TMCC1: variants seen among roughly 807,000 people sequenced by gnomAD.
TMCC1 encodes the protein transmembrane and coiled-coil domain family 1.
A neutral mutation model predicts 52.4 loss-of-function variants in TMCC1; 15 were observed. That is an observed-to-expected ratio of 0.29 (90% CI 0.19 to 0.44). TMCC1 has a LOEUF of 0.44. TMCC1 is among the 20% of genes least tolerant of loss of function. The pLI is 1.00. For missense variants in TMCC1, 503 were observed against 806.0 expected (o/e 0.62, Z 4.55); for synonymous variants, 279 against 301.9 (o/e 0.92, Z 0.79).
intron 3 of TMCC1, among the ~76,000 whole-genome samples, chr3:129,829,272 A>G (rs1041820065): frequency 6.6e-6 from 1 of 152,192 alleles, no homozygotes; most frequent in Non-Finnish European, 1.5e-5. Context: ...CATCCCTGAC[A>G]GAAGCTTCCC....
At chr3:129,786,928 G>A (rs1214958047) in intron 4 of TMCC1, among the ~76,000 whole-genome samples, 1 of 152,026 alleles carries the variant, frequency 6.6e-6, no homozygotes, top group Non-Finnish European at 1.5e-5. Context: ...TTCTCAAATC[G>A]GAATTATCCA....
intron 2 of TMCC1, among the ~76,000 whole-genome samples, chr3:129,872,529 A>C (rs1300328388): frequency 6.6e-6 from 1 of 152,202 alleles, no homozygotes; most frequent in East Asian, 1.9e-4. Context: ...TGTTTAGGAG[A>C]CTTCTGGGAA....
At position 129,676,583 on chromosome 3, in the gene TMCC1, C is replaced by CTTA. The variant is rs145391356; in HGVS notation, c.577-5322_577-5320dup. Among the ~76,000 whole-genome samples, 1,139 of 152,302 alleles carry CTTA rather than the reference C, an allele frequency of 7.5e-3. 15 individuals carry two copies. Among genetic ancestry groups the CTTA allele is most frequent in the African/African-American group, 0.026 (1,088 of 41,572 alleles). On this transcript the variant is annotated intron_variant, in intron 4 of 6. Transcript: ENST00000393238. ...GTGCCATTTAGAGCGCAGCATTTAA[C>CTTA]TTAGCTTTGTTACTTAGCTCTGTCT...
intron 4 of TMCC1, among the ~76,000 whole-genome samples, chr3:129,698,914 TAGA>T (rs766121394): frequency 6.6e-6 from 1 of 152,100 alleles, no homozygotes; most frequent in Non-Finnish European, 1.5e-5. Context: ...CTTGACAATA[TAGA>T]AGAAGGTGAG....
chr3:129,863,673 C>T (rs2107938826), intron 2 of TMCC1, among the ~76,000 whole-genome samples: 1 of 152,238 alleles, frequency 6.6e-6, no homozygotes, highest in East Asian at 1.9e-4. Context: ...ACCAGCCTAA[C>T]CAACATGGTG....
intron 4 of TMCC1, among the ~76,000 whole-genome samples, chr3:129,672,017 G>A (rs908413001): frequency 7.2e-5 from 11 of 152,110 alleles, no homozygotes; most frequent in African/African-American, 2.2e-4. Context: ...CAGGTCTTTC[G>A]GAGCCCATAT....
intron 4 of TMCC1, among the ~76,000 whole-genome samples, chr3:129,745,422 T>C (rs1053196446): frequency 2.6e-5 from 4 of 152,222 alleles, no homozygotes; most frequent in Non-Finnish European, 5.9e-5. Flanking sequence ...CCAAGAGTAG[T>C]TTTGCATTTC....
intron 2 of TMCC1, among the ~76,000 whole-genome samples, chr3:129,862,293 T>C (rs1397827439): frequency 1.3e-5 from 2 of 152,156 alleles, no homozygotes; most frequent in Non-Finnish European, 2.9e-5. Flanking sequence ...TAGGTTGTGG[T>C]GATGGTTGTA....
chr3:129,848,963 C>T (rs1298103985), intron 2 of TMCC1, among the ~76,000 whole-genome samples: 1 of 152,030 alleles, frequency 6.6e-6, no homozygotes, highest in African/African-American at 2.4e-5. Context: ...AAAAATATTG[C>T]CCATTCTACA....
chr3:129,835,378 T>C (rs185035889), intron 2 of TMCC1, among the ~76,000 whole-genome samples: 2 of 152,184 alleles, frequency 1.3e-5, no homozygotes, highest in East Asian at 3.9e-4. Flanking sequence ...TCTGTTAGCA[T>C]ATGCTTAGTT....
intron 4 of TMCC1, among the ~76,000 whole-genome samples, chr3:129,679,184 TGA>T (rs1425518506): frequency 2.6e-5 from 4 of 152,236 alleles, no homozygotes; most frequent in Admixed American, 2.6e-4. Flanking sequence ...TTTCACGCAG[TGA>T]GTGTTCCTTC....
rs1202414868 is a variant in TMCC1, at chr3:129,785,932, CCTT to C, written c.576+41868_576+41870del. ...TTCATGTTAGAACTTACCCTCACCCCCTTTTTTTTTTTTTTTTTTTAAGACAGA... is the reference window on the plus strand; with the variant it reads ...TTCATGTTAGAACTTACCCTCACCCCTTTTTTTTTTTTTTTTTAAGACAGA... On this transcript the variant is annotated intron_variant, in intron 4 of 6. Transcript: ENST00000393238. Among the ~76,000 whole-genome samples, 29 of 66,016 alleles carry C rather than the reference CCTT, an allele frequency of 4.4e-4. No individual in the cohort carries two copies. The East Asian group carries it at 0.013, about 30-fold the overall frequency. 43.3% of individuals were successfully genotyped at this position (66,016 alleles called of 152,430 possible).
In TMCC1 at chr3:129,828,004, C is replaced by T; in HGVS notation, c.375G>A (p.Arg125=). ...MKRGTSLHSR[R]GKPEAPKGSP... Reference sequence around the variant, plus strand: ...TTCCCTTTGGGGCCTCTGGCTTGCCCCGCCTACTATGCAAGCTTGTCCCTC... The same window carrying T: ...TTCCCTTTGGGGCCTCTGGCTTGCCTCGCCTACTATGCAAGCTTGTCCCTC... Residue 125 remains arginine (R), a synonymous_variant, in exon 4 of 7, where the codon CGG becomes CGA. Coordinates refer to ENST00000393238, the MANE Select transcript of TMCC1 (RefSeq NM_001017395.5). The surrounding 1 kb of genome is among the most constrained non-coding windows in gnomAD (Gnocchi z 4.1). 6.2e-7 allele frequency: 1 copy of T among 1,614,150 alleles called. No homozygotes were observed. The highest frequency in any genetic ancestry group is 2.2e-5 in the East Asian group (1 of 44,880).
At chr3:129,688,947 T>C (rs1174042503) in intron 4 of TMCC1, among the ~76,000 whole-genome samples, 3 of 152,362 alleles carry the variant, frequency 2.0e-5, no homozygotes, top group Non-Finnish European at 4.4e-5. Context: ...AAAATAACAC[T>C]GTTTAGGTAG....
At chr3:129,815,530 G>A (rs2058054604) in intron 4 of TMCC1, among the ~76,000 whole-genome samples, 1 of 151,998 alleles carries the variant, frequency 6.6e-6, no homozygotes, top group Admixed American at 6.6e-5. Context: ...ATGGTGCTGG[G>A]GAAAATGGAC....
At chr3:129,884,843 A>G (rs2061618570) in intron 1 of TMCC1, among the ~76,000 whole-genome samples, 1 of 150,202 alleles carries the variant, frequency 6.7e-6, no homozygotes, top group African/African-American at 2.4e-5. Flanking sequence ...AGTCATTTAC[A>G]AATGAGCTAC....
intron 2 of TMCC1, among the ~76,000 whole-genome samples, chr3:129,842,059 A>G (rs2059444305): frequency 6.6e-6 from 1 of 152,250 alleles, no homozygotes; most frequent in Non-Finnish European, 1.5e-5. Flanking sequence ...TGTACCTTAA[A>G]ACAAAGCTTC....
chr3:129,829,062 C>T (rs1379548726), intron 3 of TMCC1, among the ~76,000 whole-genome samples: 1 of 152,190 alleles, frequency 6.6e-6, no homozygotes, highest in East Asian at 1.9e-4. Context: ...TCACTGGTAA[C>T]TAGAGATGAC....
intron 4 of TMCC1, among the ~76,000 whole-genome samples, chr3:129,728,835 T>G (rs759727257): frequency 6.6e-6 from 1 of 152,196 alleles, no homozygotes; most frequent in African/African-American, 2.4e-5. Context: ...AGTATATAAC[T>G]TTCTGAGACT....
Sources: gnomAD v4.1 joint callset for allele counts (sites outside exome capture counted in the v4.1 genomes callset) on GRCh38, gnomAD v4.1.1 for gene constraint, Gnocchi (gnomAD v3.1) non-coding constraint, MANE v1.5 for transcripts, NCBI Gene and HGNC (gene_info 2026-07-23, HGNC 2026-07-21) for gene names.